The following DIP2B variants were observed in gnomAD, a reference collection of about 807,000 sequenced individuals.
DIP2B encodes disco-interacting protein 2 homolog B.
A neutral mutation model predicts 198.0 loss-of-function variants in DIP2B; 76 were observed. The observed-to-expected ratio is 0.38, with a 90% CI of 0.32 to 0.46. The LOEUF (loss-of-function observed/expected upper bound fraction) is 0.46, where lower values mean the gene tolerates loss of function less well. Ranked by LOEUF, DIP2B falls within the 20% of genes least tolerant of loss-of-function variation. The pLI is 0.99. For synonymous variants in DIP2B, 701 were observed against 739.1 expected (o/e 0.95, Z 0.84); for missense variants, 1,559 against 1,978.4 (o/e 0.79, Z 4.02).
Position 50,744,866 on chromosome 12 carries a change from C to T in DIP2B, c.*27C>T, listed in dbSNP as rs1748062392. On this transcript the variant is annotated 3_prime_UTR_variant, in exon 38 of 38. Transcript: ENST00000301180. ...CAGCCTTGTGGGGACTGCAGTGGGC[C>T]ATTCTGAAGAATCACAAAGACAGAA... 6.2e-7 allele frequency: 1 copy of T among 1,606,586 alleles called. No homozygotes were observed. Among genetic ancestry groups the T allele is most frequent in the African/African-American group, 1.3e-5 (1 of 74,674 alleles).
chr12:50,698,733 C>G lies in DIP2B; in HGVS notation c.2188+266C>G, dbSNP rs1939363776. 2.0e-5 allele frequency among the ~76,000 whole-genome samples: 3 copies of G among 152,200 alleles called. No homozygotes were observed. The South Asian group carries it at 6.2e-4, about 31-fold the overall frequency. On this transcript the variant is annotated intron_variant, in intron 18 of 37. Coordinates refer to ENST00000301180, the MANE Select transcript of DIP2B (RefSeq NM_173602.3). ...AGAGATGTTAAAGTTACCTGGTTTTCACTGTAATTGCCAAGCCATTGGGAC... is the reference window on the plus strand; with the variant it reads ...AGAGATGTTAAAGTTACCTGGTTTTGACTGTAATTGCCAAGCCATTGGGAC...
chr12:50,617,179 G>A (rs1209751147), intron 1 of DIP2B, among the ~76,000 whole-genome samples: 2 of 149,028 alleles, frequency 1.3e-5, no homozygotes, highest in Non-Finnish European at 3.0e-5. Flanking sequence ...TTTTTGAGAC[G>A]GAGTCTCGCT....
chr12:50,651,034 G>A (rs577262149), intron 3 of DIP2B, among the ~76,000 whole-genome samples: 2 of 152,266 alleles, frequency 1.3e-5, no homozygotes, highest in Admixed American at 1.3e-4. Flanking sequence ...GGCCGTTCTA[G>A]TGGCTGTGAA....
At chr12:50,696,665 T>C (rs1369696007) in intron 16 of DIP2B, among the ~76,000 whole-genome samples, 5 of 152,234 alleles carry the variant, frequency 3.3e-5, no homozygotes, top group Non-Finnish European at 5.9e-5. Context: ...AGACATGGGC[T>C]TGACCTTAAT....
intron 21 of DIP2B, 62 bp from the exon 22 acceptor site, chr12:50,708,386 A>G: frequency 6.8e-7 from 1 of 1,476,948 alleles, no homozygotes; most frequent in African/African-American, 1.4e-5. Context: ...AATTCCAGTT[A>G]AACAAAACAA....
intron 5 of DIP2B, among the ~76,000 whole-genome samples, 154 bp downstream of exon 5, chr12:50,671,552 C>T (rs138315432): frequency 6.6e-6 from 1 of 152,138 alleles, no homozygotes; most frequent in Admixed American, 6.5e-5. Context: ...GATGGAAACA[C>T]CAGCAATACA....
intron 1 of DIP2B, among the ~76,000 whole-genome samples, chr12:50,620,394 A>G (rs562891372): frequency 1.3e-5 from 2 of 152,302 alleles, no homozygotes; most frequent in African/African-American, 2.4e-5. Flanking sequence ...ACTCAGCCTC[A>G]CACATGTGTC....
At chr12:50,684,466 C>CAAA (rs1424483898) in intron 10 of DIP2B, among the ~76,000 whole-genome samples, 1 of 152,132 alleles carries the variant, frequency 6.6e-6, no homozygotes, top group Non-Finnish European at 1.5e-5. Context: ...GGGCTGATGT[C>CAAA]AAAGATGAAT....
At chr12:50,693,211 A>C (rs1939250842) in intron 14 of DIP2B, among the ~76,000 whole-genome samples, 198 bp downstream of exon 14, 1 of 152,246 alleles carries the variant, frequency 6.6e-6, no homozygotes, top group African/African-American at 2.4e-5. Flanking sequence ...GCATGCTGCA[A>C]CTGAAGAAGA....
chr12:50,651,668 T>C (rs1938455739), intron 3 of DIP2B, among the ~76,000 whole-genome samples: 1 of 152,142 alleles, frequency 6.6e-6, no homozygotes, highest in Non-Finnish European at 1.5e-5. Flanking sequence ...GGCTCTCTAT[T>C]GTTCCGTTGG....
intron 4 of DIP2B, among the ~76,000 whole-genome samples, chr12:50,661,972 C>T (rs1417684076): frequency 2.6e-5 from 4 of 152,130 alleles, no homozygotes; most frequent in African/African-American, 9.7e-5. Context: ...AAGTCACTGC[C>T]TGAGGGGAAT....
At chr12:50,625,856 C>A in intron 1 of DIP2B, 120 bp from the exon 2 acceptor site, 1 of 1,051,326 alleles carries the variant, frequency 9.5e-7, no homozygotes. Flanking sequence ...ACATTCCCCC[C>A]CCCAACCCCC....
chr12:50,558,909 A>G (rs1224877783), intron 1 of DIP2B, among the ~76,000 whole-genome samples: 1 of 152,212 alleles, frequency 6.6e-6, no homozygotes, highest in Admixed American at 6.5e-5. Flanking sequence ...AAAAGACTCC[A>G]GAGCCTCCCT....
intron 2 of DIP2B, among the ~76,000 whole-genome samples, chr12:50,626,359 A>C (rs116812844): frequency 0.014 from 2,079 of 152,346 alleles, 42 homozygotes; most frequent in African/African-American, 0.047. Flanking sequence ...CATCGTATTT[A>C]TGATGGTGCA....
In DIP2B at chr12:50,714,578, C is replaced by A. The variant is rs1296011892; in HGVS notation, c.2833C>A (p.Pro945Thr). The change falls in exon 23 of 38, where the codon CCC becomes ACC. Residue 945 changes from proline to threonine, a missense_variant. By Grantham distance (38) the Pro-to-Thr change is conservative. Transcript: ENST00000301180. Reference sequence around the variant, plus strand: ...TACATGTGTGACAAACTTGCCAAAGCCCCGGCAAAAACAACCAGGTAATAT... The same window carrying A: ...TACATGTGTGACAAACTTGCCAAAGACCCGGCAAAAACAACCAGGTAATAT... Reference protein sequence around the residue: ...PHTCVTNLPKPRQKQPGVGPA... With the variant: ...PHTCVTNLPKTRQKQPGVGPA... The A allele has an allele frequency of 8.7e-6, 14 of 1,614,062 alleles. No homozygotes were observed. The highest frequency in any genetic ancestry group is 1.1e-5 in the Non-Finnish European group (13 of 1,179,946).
In DIP2B at chr12:50,744,622, T is replaced by C. The variant is rs78188518; in HGVS notation, c.4514T>C (p.Val1505Ala). The change falls in exon 38 of 38, where the codon GTT becomes GCT. Residue 1505 changes from valine to alanine, a missense_variant. By Grantham distance (64) the Val-to-Ala change is moderately conservative. Transcript: ENST00000301180. ...VFTWTNLLVV[V>A]VELCGSEQEA... ...ACATGGACCAACTTGCTTGTGGTGG[T>C]TGTGGAACTGTGCGGCTCTGAACAG... The C allele has an allele frequency of 6.2e-7, 1 of 1,613,968 alleles. No individual in the cohort carries two copies. The highest frequency in any genetic ancestry group is 1.7e-5 in the Admixed American group (1 of 59,994).
At chr12:50,647,241 G>T (rs1320257855) in intron 3 of DIP2B, among the ~76,000 whole-genome samples, 1 of 151,912 alleles carries the variant, frequency 6.6e-6, no homozygotes, top group Non-Finnish European at 1.5e-5. Context: ...GTGGAGACAG[G>T]GTTTCACCAT....
At chr12:50,589,951 A>C (rs1400727866) in intron 1 of DIP2B, among the ~76,000 whole-genome samples, 1 of 152,040 alleles carries the variant, frequency 6.6e-6, no homozygotes, top group Non-Finnish European at 1.5e-5. Context: ...AACTGGTGAA[A>C]GTAAGGGGGC....
At chr12:50,712,928 A>T (rs1939646174) in intron 22 of DIP2B, among the ~76,000 whole-genome samples, 1 of 152,062 alleles carries the variant, frequency 6.6e-6, no homozygotes, top group Non-Finnish European at 1.5e-5. Flanking sequence ...AATAAAGTTG[A>T]TTGGTTCCAT....
Sources: allele counts gnomAD v4.1 joint callset (sites outside exome capture counted in the v4.1 genomes callset), GRCh38; gene constraint gnomAD v4.1.1; transcripts MANE v1.5; gene names NCBI Gene and HGNC (gene_info 2026-07-23, HGNC 2026-07-21).